Variants in NOC2L observed in about 807,000 individuals in gnomAD.
The protein encoded by NOC2L is nucleolar complex protein 2 homolog.
A neutral mutation model predicts 94.2 loss-of-function variants in NOC2L; 101 were observed. The observed-to-expected ratio is 1.07, with a 90% CI of 0.91 to 1.26. NOC2L has a LOEUF of 1.26. Ranked by LOEUF, NOC2L falls within the 50% of genes most tolerant of loss-of-function variation. NOC2L has a pLI of 0.00. For synonymous variants in NOC2L, 531 were observed against 413.4 expected, an observed-to-expected ratio of 1.28 and a Z score of -3.45; for missense variants, 1,076 against 980.1, an observed-to-expected ratio of 1.10 and a Z score of -1.31.
chr1:953,744 C>T (rs1464407710), intron 8 of NOC2L, 38 bp downstream of exon 8: 1 of 1,494,014 alleles, frequency 6.7e-7, no homozygotes. Context: ...GGCCCCCCGA[C>T]CCCATGACAG....
In NOC2L at chr1:952,029, G is replaced by C. The variant is rs113226136; in HGVS notation, c.1302C>G (p.Pro434=). 289 of 1,613,402 alleles carry C rather than the reference G, an allele frequency of 1.8e-4. 1 individual carries two copies. The African/African-American group carries it at 3.5e-3, about 19-fold the overall frequency. The change falls in exon 11 of 19, where the codon CCC becomes CCG. Residue 434 remains proline, a synonymous_variant. Coordinates refer to ENST00000327044, the MANE Select transcript of NOC2L (RefSeq NM_015658.4). Reference sequence around the variant, plus strand: ...TACAGCCAATGATGACTTGGGCAAGGGGGTAGACCAAGGGCTGGAGGGCTT... The same window carrying C: ...TACAGCCAATGATGACTTGGGCAAGCGGGTAGACCAAGGGCTGGAGGGCTT... ...PSEALQPLVY[P]LAQVIIGCIK...
At chr1:959,184 G>A (rs377041654) in intron 1 of NOC2L, 31 bp downstream of exon 1, 25 of 1,611,640 alleles carry the variant, frequency 1.6e-5, no homozygotes, top group African/African-American at 9.3e-5. Context: ...CCCACCGGGA[G>A]GCCAAATCGG....
At chr1:957,333 G>C in intron 2 of NOC2L, 60 bp from the exon 3 acceptor site, 2 of 1,532,586 alleles carry the variant, frequency 1.3e-6, no homozygotes, top group East Asian at 2.3e-5. Context: ...GCGGGGAGTG[G>C]CCTACAGGGT....
Position 951,229 on chromosome 1 carries a change from G to A in NOC2L, c.1341C>T (p.Pro447=). 1.9e-6 allele frequency: 3 copies of A among 1,583,694 alleles called. No homozygotes were observed. The highest frequency in any genetic ancestry group is 2.6e-6 in the Non-Finnish European group (3 of 1,164,990). Residue 447 remains proline (P), a synonymous_variant, in exon 12 of 19, where the codon CCC becomes CCT. Transcript: ENST00000327044. ...QVIIGCIKLI[P]TARFYPLRMH... ...TTCGCAGCGGGTAGAAGCGGGCAGT[G>A]GGGATGAGCCTGGGGGTGGGAAGGC...
intron 2 of NOC2L, chr1:958,728 C>G (rs778320140): frequency 1.1e-5 from 8 of 711,410 alleles, no homozygotes; most frequent in Non-Finnish European, 1.5e-5. Flanking sequence ...CACCAACATA[C>G]GCTCCCTGCC....
rs1399599086 is a variant in NOC2L at position 956,932 on chromosome 1, T to G, written c.448A>C (p.Thr150Pro). The change falls in exon 4 of 19, where the codon ACC becomes CCC. Residue 150 changes from threonine to proline, a missense_variant. Physicochemically the swap from Thr to Pro is conservative, Grantham distance 38. Transcript: ENST00000327044. ...LKGKKNSVPV[T>P]VAMVERWKQA... ...TTCCATCTCTCAACCATGGCGACGG[T>G]CACAGGAACAGAATTCTTCTTCCCC... 6.8e-6 allele frequency: 11 copies of G among 1,613,970 alleles called. No homozygotes were observed. In the Admixed American group the frequency reaches 1.8e-4, roughly 27 times the overall value.
intron 10 of NOC2L, 121 bp from the exon 11 acceptor site, chr1:952,260 C>T (rs1251719960): frequency 7.1e-7 from 1 of 1,409,250 alleles, no homozygotes; most frequent in African/African-American, 1.4e-5. Flanking sequence ...AACCCATCCA[C>T]CCTTCCCCCA....
chr1:959,200 G>A lies in NOC2L; in HGVS notation c.26+15C>T. The A allele has an allele frequency of 6.2e-7, 1 of 1,610,572 alleles. No individual in the cohort carries two copies. ...CCACCGGGAGGCCAAATCGGCCCTC[G>A]GACCCGCGGCTTACCTCTTGCGGCT... On this transcript the variant is annotated intron_variant, in intron 1 of 18. Transcript: ENST00000327044.
chr1:945,074 TCCTCCTCGC>T lies in NOC2L; in HGVS notation c.2117_2125del (p.Gly706_Glu708del), dbSNP rs1453974676. 1.9e-6 allele frequency: 3 copies of T among 1,613,944 alleles called. No homozygotes were observed. The highest frequency in any genetic ancestry group is 2.5e-6 in the Non-Finnish European group (3 of 1,179,910). On this transcript the variant is annotated inframe_deletion, in exon 18 of 19. Transcript: ENST00000327044. ...CCATTCACCCTCCGAGTTGCTGCTG[TCCTCCTCGC>T]CCTCCTCCTCGTCCTCTTCATCGTC...
At position 945,635 on chromosome 1, in the gene NOC2L, G is replaced by A. The variant is rs760522368; in HGVS notation, c.1936C>T (p.Pro646Ser). The A allele has an allele frequency of 5.0e-6, 8 of 1,614,164 alleles. No individual in the cohort carries two copies. The highest frequency in any genetic ancestry group is 3.3e-5 in the Admixed American group (2 of 60,028). Residue 646 changes from proline (P) to serine (S), a missense_variant, in exon 17 of 19, where the codon CCT becomes TCT. Coordinates refer to ENST00000327044, the MANE Select transcript of NOC2L (RefSeq NM_015658.4). ...GCCATCTTCCTTCGTTTGATCTCAG[G>A]GAAGTTCAGGTCTTCCAGCTGGAAG... is the stretch of plus-strand genomic sequence containing the variant. The part of the protein sequence containing the change: ...GKERLEDLNF[P>S]EIKRRKMADR...
intron 8 of NOC2L, among the ~76,000 whole-genome samples, chr1:953,545 T>C (rs532178462): frequency 5.3e-5 from 8 of 152,242 alleles, no homozygotes; most frequent in East Asian, 3.8e-4. Context: ...GGGAAGAAGA[T>C]ACCTCACCGT....
In NOC2L at chr1:959,085, C is replaced by G. The variant is rs1642505182; in HGVS notation, c.27-4G>C. 6.2e-7 allele frequency: 1 copy of G among 1,608,524 alleles called. No homozygotes were observed. Among genetic ancestry groups the G allele is most frequent in the Non-Finnish European group, 8.5e-7 (1 of 1,176,960 alleles). On this transcript the variant is annotated splice_polypyrimidine_tract_variant and splice_region_variant and intron_variant, in intron 1 of 18. Transcript: ENST00000327044. ...CACCGTCAGCTCCGCCAGGCGCCTG[C>G]GGGTCACGCAGGAGTCACAGCTGCC...
rs113294312 is a variant in NOC2L at position 949,665 on chromosome 1, G to A, written c.1444-1062C>T. On this transcript the variant is annotated intron_variant, in intron 12 of 18. Coordinates refer to ENST00000327044, the MANE Select transcript of NOC2L (RefSeq NM_015658.4). ...AAGAAAGCACGTAGCCAAGGAGATT[G>A]GACAAGGGAAACAGACACAAAGCAT... Among the ~76,000 whole-genome samples, 6 of 152,304 alleles carry A rather than the reference G, an allele frequency of 3.9e-5. 1 individual carries two copies. Among genetic ancestry groups the A allele is most frequent in the African/African-American group, 1.2e-4 (5 of 41,534 alleles).
chr1:954,260 G>A (rs1297317772), intron 6 of NOC2L, 178 bp from the exon 7 acceptor site: 4 of 574,212 alleles, frequency 7.0e-6, no homozygotes, highest in East Asian at 2.9e-5. Context: ...GGGCTTAGGA[G>A]GACCCTCTCA....
At position 944,409 on chromosome 1, in the gene NOC2L, CCTGGAA is replaced by C. The variant is rs145942386; in HGVS notation, c.*279_*284del. 0.011 allele frequency: 12,566 copies of C among 1,185,860 alleles called. 608 individuals are homozygous for C. In the East Asian group the frequency reaches 0.14, roughly 13 times the overall value. The allele number at this position is 1,185,860 out of a possible 1,614,324, so 73.5% of individuals were successfully genotyped here. ...GGGGCCAGGGGCCTGCAGGCCTCCCCCTGGAACTGGGACTGGTCTCGGTCTGCTGAC... is the reference window on the plus strand; with the variant it reads ...GGGGCCAGGGGCCTGCAGGCCTCCCCCTGGGACTGGTCTCGGTCTGCTGAC... On this transcript the variant is annotated 3_prime_UTR_variant, in exon 19 of 19. Transcript: ENST00000327044.
intron 14 of NOC2L, 68 bp from the exon 15 acceptor site, chr1:946,613 G>C (rs1458719404): frequency 4.5e-6 from 7 of 1,568,328 alleles, no homozygotes; most frequent in Non-Finnish European, 6.1e-6. Context: ...CCCAGGTCCT[G>C]TGCAAAACCA....
chr1:948,989 C>T (rs999478264), intron 12 of NOC2L, among the ~76,000 whole-genome samples: 1 of 152,084 alleles, frequency 6.6e-6, no homozygotes, highest in Non-Finnish European at 1.5e-5. Flanking sequence ...CATCCTGGCC[C>T]TCAGCACAGC....
At chr1:958,528 G>A in intron 2 of NOC2L, 1 of 388,942 alleles carries the variant, frequency 2.6e-6, no homozygotes, top group Admixed American at 3.1e-5. Context: ...GGCATTACAG[G>A]CGTGAGCCAC....
chr1:956,274 G>C (rs1569954251), intron 4 of NOC2L, 59 bp from the exon 5 acceptor site: 1 of 1,598,552 alleles, frequency 6.3e-7, no homozygotes, highest in East Asian at 2.2e-5. Flanking sequence ...TGGCAGAGTG[G>C]AAACGGCAGC....
Sources: gnomAD v4.1 joint callset for allele counts (sites outside exome capture counted in the v4.1 genomes callset) on GRCh38, gnomAD v4.1.1 for gene constraint, MANE v1.5 for transcripts, NCBI Gene and HGNC (gene_info 2026-07-23, HGNC 2026-07-21) for gene names.